DMD: variants seen among roughly 807,000 people sequenced by gnomAD.
The protein encoded by DMD is dystrophin.
DMD carries 63 observed loss-of-function variants against 330.1 expected under a neutral mutation model. The ratio of observed to expected loss-of-function variants is 0.19; its 90% CI spans 0.16 to 0.24. DMD has a LOEUF of 0.24. Ranked by LOEUF, DMD falls within the 10% of genes least tolerant of loss-of-function variation. DMD has a pLI of 1.00. For missense variants in DMD, 3,344 were observed against 2,684.1 expected (o/e 1.25, Z -5.43); for synonymous variants, 1,223 against 959.8 (o/e 1.27, Z -5.07).
At chrX:32,404,991 C>T (rs961493560) in intron 30 of DMD, among the ~76,000 whole-genome samples, 2 of 111,448 alleles carry the variant, frequency 1.8e-5, no homozygotes, top group Non-Finnish European at 3.8e-5. Context: ...AGAATCTCAC[C>T]AGTAGTTTGA....
intron 18 of DMD, among the ~76,000 whole-genome samples, chrX:32,503,670 T>C (rs112195568): frequency 0.022 from 2,478 of 110,551 alleles, 28 homozygotes; most frequent in Non-Finnish European, 0.036. Flanking sequence ...ACTCTCCTGC[T>C]TCAGCCTCCC....
rs1205689227 is a variant in DMD, at chrX:31,421,904, C to CATATATATATGTAT, written c.9084+22576_9084+22577insATACATATATATAT. ...CTCTCTTTCTATATATATATATACA[C>CATATATATATGTAT]ACACACACACATATATATATATATA... On this transcript the variant is annotated intron_variant, in intron 60 of 78. Coordinates refer to ENST00000357033, the MANE Select transcript of DMD (RefSeq NM_004006.3). 1.8e-3 allele frequency among the ~76,000 whole-genome samples: 115 copies of CATATATATATGTAT among 63,084 alleles called. 2 individuals carry two copies. The highest frequency in any genetic ancestry group is 7.1e-3 in the African/African-American group (58 of 8,226). 54.8% of individuals were successfully genotyped at this position (63,084 alleles called of 115,157 possible).
intron 43 of DMD, among the ~76,000 whole-genome samples, chrX:32,259,003 T>G (rs1020557760): frequency 1.8e-5 from 2 of 111,004 alleles, no homozygotes; most frequent in African/African-American, 6.5e-5. Flanking sequence ...TGGCATCATA[T>G]CTGATATAAA....
At chrX:33,232,508 C>T (rs1233327707) in intron 1 of DMD, among the ~76,000 whole-genome samples, 5 of 111,451 alleles carry the variant, frequency 4.5e-5, no homozygotes, top group Non-Finnish European at 7.5e-5. Context: ...AATTCCTTTA[C>T]GTAAATTAAC....
Position 31,231,615 on chromosome X carries a change from C to T in DMD, c.9287-8494G>A, listed in dbSNP as rs188575248. ...CATATGTAGGCCAGGTGCGGTGGCT[C>T]GCGCCTGTAATCCCAGCCTTTGGGA... On this transcript the variant is annotated intron_variant, in intron 63 of 78. Coordinates refer to ENST00000357033, the MANE Select transcript of DMD (RefSeq NM_004006.3). 7.0e-3 allele frequency among the ~76,000 whole-genome samples: 786 copies of T among 112,496 alleles called. 23 individuals are homozygous for T. The East Asian group carries it at 0.14, about 19-fold the overall frequency.
At chrX:32,552,423 C>T (rs778262941) in intron 16 of DMD, among the ~76,000 whole-genome samples, 69 of 111,546 alleles carry the variant, frequency 6.2e-4, no homozygotes, top group Middle Eastern at 4.6e-3. Flanking sequence ...AAAATTAACC[C>T]GAGGTGGATT....
At chrX:31,729,817 G>C in intron 51 of DMD, 69 bp from the exon 52 acceptor site, 1 of 896,688 alleles carries the variant, frequency 1.1e-6, no homozygotes, top group Admixed American at 2.2e-5. Flanking sequence ...ATAATACAAA[G>C]TAAAGTACAA....
At chrX:32,807,122 T>TAAGAAAAAAAAAAAA (rs2076999579) in intron 7 of DMD, among the ~76,000 whole-genome samples, 1 of 20,744 alleles carries the variant, frequency 4.8e-5, no homozygotes, top group Non-Finnish European at 8.5e-5. Flanking sequence ...CGGAAACATT[T>TAAGAAAAAAAAAAAA]AAAAAAAAAA....
intron 1 of DMD, among the ~76,000 whole-genome samples, chrX:33,336,607 A>G (rs750817227): frequency 9.0e-6 from 1 of 111,716 alleles, no homozygotes; most frequent in African/African-American, 3.2e-5. Context: ...TGCCTTAGAG[A>G]AAACAATCTG....
chrX:31,572,620 T>C (rs2075884647), intron 55 of DMD, among the ~76,000 whole-genome samples: 1 of 112,492 alleles, frequency 8.9e-6, no homozygotes, highest in South Asian at 3.6e-4. Context: ...CCTTGCCCCT[T>C]TGAAAGAATA....
chrX:32,732,102 G>A (rs201449107), intron 7 of DMD, among the ~76,000 whole-genome samples: 49 of 111,797 alleles, frequency 4.4e-4, no homozygotes, highest in Non-Finnish European at 8.1e-4. Flanking sequence ...GGCTAGAGAA[G>A]TACGTGAAGA....
intron 42 of DMD, among the ~76,000 whole-genome samples, chrX:32,294,492 T>C (rs1036726720): frequency 3.4e-4 from 38 of 112,147 alleles, no homozygotes; most frequent in African/African-American, 1.2e-3. Context: ...GATTTTAATC[T>C]GAGTCTCTGG....
At chrX:33,280,634 TTTCACA>T (rs2053315142) in intron 1 of DMD, among the ~76,000 whole-genome samples, 2 of 111,916 alleles carry the variant, frequency 1.8e-5, no homozygotes, top group Non-Finnish European at 3.8e-5. Context: ...GTGGTGATGG[TTTCACA>T]GGTATATGAA....
chrX:31,275,800 T>C (rs1347240076), intron 62 of DMD, among the ~76,000 whole-genome samples: 2 of 111,263 alleles, frequency 1.8e-5, no homozygotes, highest in Non-Finnish European at 3.8e-5. Flanking sequence ...TCAATGCTAC[T>C]TTTGAGCCAA....
intron 59 of DMD, among the ~76,000 whole-genome samples, chrX:31,451,259 T>G (rs969736602): frequency 4.6e-5 from 4 of 87,655 alleles, no homozygotes; most frequent in Non-Finnish European, 8.5e-5. Context: ...CCTTCCTTCC[T>G]TCCTTTCCTT....
At chrX:32,591,916 C>T (rs944995368) in intron 13 of DMD, among the ~76,000 whole-genome samples, 1 of 112,915 alleles carries the variant, frequency 8.9e-6, no homozygotes, top group Admixed American at 9.3e-5. Context: ...AAAGTTGCGG[C>T]CAAGACCAGG....
At chrX:32,187,515 A>C (rs1192328369) in intron 44 of DMD, among the ~76,000 whole-genome samples, 2 of 111,874 alleles carry the variant, frequency 1.8e-5, no homozygotes, top group Non-Finnish European at 3.8e-5. Context: ...TTTTAAAAAG[A>C]GATACATATG....
chrX:31,313,107 AAAG>A (rs2055663696), intron 62 of DMD, among the ~76,000 whole-genome samples: 2 of 107,708 alleles, frequency 1.9e-5, no homozygotes, highest in South Asian at 8.4e-4. Flanking sequence ...AAAAAAGAAA[AAAG>A]AAGGGGGGAG....
intron 25 of DMD, among the ~76,000 whole-genome samples, chrX:32,461,372 CTA>C (rs1248601890): frequency 9.0e-6 from 1 of 111,005 alleles, no homozygotes; most frequent in Non-Finnish European, 1.9e-5. Flanking sequence ...ACTCATTTGG[CTA>C]CAAAGTCAGA....
Sources: allele counts gnomAD v4.1 joint callset (sites outside exome capture counted in the v4.1 genomes callset), GRCh38; gene constraint gnomAD v4.1.1; transcripts MANE v1.5; gene names NCBI Gene and HGNC (gene_info 2026-07-23, HGNC 2026-07-21).